PRKN: variants seen among roughly 807,000 people sequenced by gnomAD.
PRKN encodes E3 ubiquitin-protein ligase parkin.
Under a neutral mutation model 59.5 loss-of-function variants are expected in PRKN, and 56 were observed. The ratio of observed to expected loss-of-function variants is 0.94; its 90% CI spans 0.76 to 1.18. PRKN has a LOEUF of 1.18. PRKN is among the 50% of genes most tolerant of loss of function. The pLI, the probability that PRKN is intolerant of heterozygous loss-of-function variation, is 0.00. For missense variants in PRKN, 657 were observed against 596.4 expected, an observed-to-expected ratio of 1.10 and a Z score of -1.06; for synonymous variants, 250 against 222.1, an observed-to-expected ratio of 1.13 and a Z score of -1.12.
In PRKN at chr6:161,835,352, G is replaced by A. The variant is rs116615981; in HGVS notation, c.735-49444C>T. Among the ~76,000 whole-genome samples, 1,259 of 152,056 alleles carry A rather than the reference G, an allele frequency of 8.3e-3. 21 individuals carry two copies. Among genetic ancestry groups the A allele is most frequent in the African/African-American group, 0.029 (1,187 of 41,458 alleles). ...AGGGAAAATTGGAAAACAGATTCAC[G>A]CAGAACCCCCACTCCACACCCCCTG... On this transcript the variant is annotated intron_variant, in intron 6 of 11. Coordinates refer to ENST00000366898, the MANE Select transcript of PRKN (RefSeq NM_004562.3).
rs1449170800 is a variant in PRKN at position 161,414,285 on chromosome 6, C to T, written c.1084-27408G>A. Reference sequence around the variant, plus strand: ...CTCCGGAAGGCTGGAGGGTGTTCAGCGTTGTTTGTCACAGGCAGCGGCCAG... The same window carrying T: ...CTCCGGAAGGCTGGAGGGTGTTCAGTGTTGTTTGTCACAGGCAGCGGCCAG... On this transcript the variant is annotated intron_variant, in intron 9 of 11. Transcript: ENST00000366898. This position sits in a 1 kb window ranked among gnomAD's most constrained non-coding sequence, Gnocchi z 5.3. 6.6e-6 allele frequency among the ~76,000 whole-genome samples: 1 copy of T among 152,094 alleles called. No individual in the cohort carries two copies. The highest frequency in any genetic ancestry group is 1.5e-5 in the Non-Finnish European group (1 of 68,024).
intron 2 of PRKN, among the ~76,000 whole-genome samples, chr6:162,355,520 C>T (rs911564158): frequency 1.3e-5 from 2 of 151,892 alleles, no homozygotes; most frequent in Admixed American, 1.3e-4. Context: ...TACTGTCTCT[C>T]TAAAGTCCTT....
chr6:162,209,356 C>T (rs953800119), intron 3 of PRKN, among the ~76,000 whole-genome samples: 2 of 152,130 alleles, frequency 1.3e-5, no homozygotes. Flanking sequence ...TGAAAAAATG[C>T]TCATCGTCAC....
chr6:162,683,661 T>C (rs139669730), intron 1 of PRKN, among the ~76,000 whole-genome samples: 417 of 152,232 alleles, frequency 2.7e-3, no homozygotes, highest in Non-Finnish European at 4.9e-3. Context: ...GTAAAAAAAC[T>C]ATAATTACTC....
chr6:161,939,906 T>C (rs1779495479), intron 6 of PRKN, among the ~76,000 whole-genome samples: 1 of 149,986 alleles, frequency 6.7e-6, no homozygotes, highest in Admixed American at 6.7e-5. Context: ...GTTATTCTCT[T>C]TTTTTTTTTG....
Position 161,373,217 on chromosome 6 carries a change from A to G in PRKN, c.1168-13012T>C, listed in dbSNP as rs1785510883. Among the ~76,000 whole-genome samples, 1 of 152,166 alleles carries G rather than the reference A, an allele frequency of 6.6e-6. No individual in the cohort carries two copies. Among genetic ancestry groups the G allele is most frequent in the Non-Finnish European group, 1.5e-5 (1 of 68,026 alleles). On this transcript the variant is annotated intron_variant, in intron 10 of 11. Coordinates refer to ENST00000366898, the MANE Select transcript of PRKN (RefSeq NM_004562.3). The surrounding 1 kb of genome is among the most constrained non-coding windows in gnomAD (Gnocchi z 4.8). ...ATAGAGGGTCATCTCCTTGACCTCAAAGTTAACTGAGTATAGATGTTAACC... is the reference window on the plus strand; with the variant it reads ...ATAGAGGGTCATCTCCTTGACCTCAGAGTTAACTGAGTATAGATGTTAACC...
At chr6:162,277,955 C>A (rs1372171516) in intron 2 of PRKN, among the ~76,000 whole-genome samples, 1 of 152,152 alleles carries the variant, frequency 6.6e-6, no homozygotes, top group African/African-American at 2.4e-5. Context: ...ATCATGTCCA[C>A]ACAAAAGCCT....
chr6:162,209,970 G>C (rs922399329), intron 3 of PRKN, among the ~76,000 whole-genome samples: 2 of 151,912 alleles, frequency 1.3e-5, no homozygotes, highest in Admixed American at 1.3e-4. Context: ...GATGGGGAGA[G>C]GGGGGAGGGA....
At chr6:161,436,565 C>A (rs1475698728) in intron 9 of PRKN, among the ~76,000 whole-genome samples, 2 of 151,848 alleles carry the variant, frequency 1.3e-5, no homozygotes, top group African/African-American at 2.4e-5. Context: ...TAGGTTCCTG[C>A]ATTCATGAAC....
chr6:161,730,761 G>A (rs1008329641), intron 7 of PRKN, among the ~76,000 whole-genome samples: 1 of 151,994 alleles, frequency 6.6e-6, no homozygotes, highest in African/African-American at 2.4e-5. Flanking sequence ...ATTCTGATGT[G>A]TTGTATTCTT....
chr6:162,683,001 A>G (rs1264002516), intron 1 of PRKN, among the ~76,000 whole-genome samples: 2 of 152,194 alleles, frequency 1.3e-5, no homozygotes, highest in Admixed American at 1.3e-4. Flanking sequence ...TAAAAATTCA[A>G]ACAGTAGTTT....
At position 162,701,866 on chromosome 6, in the gene PRKN, C is replaced by CACACACACTCACATACATACAT. The variant is rs1778167453; in HGVS notation, c.7+25795_7+25796insATGTATGTATGTGAGTGTGTGT. On this transcript the variant is annotated intron_variant, in intron 1 of 11. Coordinates refer to ENST00000366898, the MANE Select transcript of PRKN (RefSeq NM_004562.3). Reference sequence around the variant, plus strand: ...ACACACACACTCACATACATACATACACACACACACACACACACACCCCCC... The same window carrying CACACACACTCACATACATACAT: ...ACACACACACTCACATACATACATACACACACACTCACATACATACATACACACACACACACACACACCCCCC... Among the ~76,000 whole-genome samples the CACACACACTCACATACATACAT allele has an allele frequency of 5.5e-5, 5 of 91,318 alleles. No homozygotes were observed. The South Asian group carries it at 2.0e-3, about 36-fold the overall frequency. 59.9% of individuals were successfully genotyped at this position (91,318 alleles called of 152,430 possible).
intron 1 of PRKN, among the ~76,000 whole-genome samples, chr6:162,490,924 A>G (rs936933460): frequency 6.6e-6 from 1 of 152,006 alleles, no homozygotes; most frequent in Admixed American, 6.6e-5. Flanking sequence ...ACTTGAGGCC[A>G]GAAGCTCGAG....
chr6:162,716,009 T>C (rs1321871207), intron 1 of PRKN, among the ~76,000 whole-genome samples: 1 of 152,228 alleles, frequency 6.6e-6, no homozygotes, highest in Non-Finnish European at 1.5e-5. Context: ...TTGTCAATGG[T>C]TACTTTCCAT....
intron 1 of PRKN, among the ~76,000 whole-genome samples, chr6:162,595,297 C>G (rs1051364973): frequency 6.6e-6 from 1 of 151,570 alleles, no homozygotes; most frequent in Non-Finnish European, 1.5e-5. Context: ...TTTCTATCAC[C>G]CAACCTGGAG....
At chr6:162,162,491 G>C (rs1782800087) in intron 4 of PRKN, among the ~76,000 whole-genome samples, 2 of 152,064 alleles carry the variant, frequency 1.3e-5, no homozygotes, top group Admixed American at 6.6e-5. Flanking sequence ...GCATCCACTG[G>C]GGATCTTGGA....
intron 2 of PRKN, among the ~76,000 whole-genome samples, chr6:162,356,529 T>C (rs1784863206): frequency 7.1e-6 from 1 of 140,058 alleles, no homozygotes; most frequent in African/African-American, 2.8e-5. Context: ...ATCTAATATA[T>C]AATACATTTT....
At chr6:161,793,930 G>T (rs763153421) in intron 6 of PRKN, among the ~76,000 whole-genome samples, 3 of 152,084 alleles carry the variant, frequency 2.0e-5, no homozygotes, top group Non-Finnish European at 4.4e-5. Flanking sequence ...CATCCCATCT[G>T]GGGTATTCAA....
rs1358574427 is a variant in PRKN, at chr6:161,544,690, A to G, written c.1083+4164T>C. 1.3e-5 allele frequency among the ~76,000 whole-genome samples: 2 copies of G among 152,196 alleles called. No homozygotes were observed. The highest frequency in any genetic ancestry group is 6.5e-5 in the Admixed American group (1 of 15,278). On this transcript the variant is annotated intron_variant, in intron 9 of 11. Transcript: ENST00000366898. The surrounding 1 kb of genome is among the most constrained non-coding windows in gnomAD (Gnocchi z 5.5). ...CTTTCAAATAATTCTTTATAATGGT[A>G]ATAAATTTACTGGATCCACCCCACA...
Sources: gnomAD v4.1 joint callset for allele counts (sites outside exome capture counted in the v4.1 genomes callset) on GRCh38, gnomAD v4.1.1 for gene constraint, Gnocchi (gnomAD v3.1) non-coding constraint, MANE v1.5 for transcripts, NCBI Gene and HGNC (gene_info 2026-07-23, HGNC 2026-07-21) for gene names.